The following CHST11 variants were observed in gnomAD, a reference collection of about 807,000 sequenced individuals.
CHST11 encodes carbohydrate sulfotransferase 11.
A neutral mutation model predicts 30.4 loss-of-function variants in CHST11; 9 were observed. The ratio of observed to expected loss-of-function variants is 0.30; its 90% CI spans 0.18 to 0.52. The LOEUF (loss-of-function observed/expected upper bound fraction) is 0.52. Ranked by LOEUF, CHST11 falls within the 20% of genes least tolerant of loss-of-function variation. The pLI is 0.97. For missense variants in CHST11, 348 were observed against 460.6 expected, an observed-to-expected ratio of 0.76 and a Z score of 2.24; for synonymous variants, 152 against 187.8, an observed-to-expected ratio of 0.81 and a Z score of 1.56.
intron 1 of CHST11, among the ~76,000 whole-genome samples, chr12:104,496,191 A>C (rs1026786932): frequency 1.3e-5 from 2 of 152,152 alleles, no homozygotes; most frequent in African/African-American, 4.8e-5. Flanking sequence ...TTCTATTCCA[A>C]ATCTGTGTGT....
chr12:104,742,915 C>T (rs988239338), intron 2 of CHST11, among the ~76,000 whole-genome samples: 4 of 152,236 alleles, frequency 2.6e-5, no homozygotes, highest in Admixed American at 6.5e-5. Context: ...CTCTCTTGGC[C>T]TCCAGCCCCA....
chr12:104,672,547 G>A (rs1355635868), intron 2 of CHST11, among the ~76,000 whole-genome samples: 1 of 152,250 alleles, frequency 6.6e-6, no homozygotes, highest in African/African-American at 2.4e-5. Context: ...AGAGCTGGAA[G>A]CTGGCCTGGC....
At chr12:104,726,621 G>A (rs1039266584) in intron 2 of CHST11, among the ~76,000 whole-genome samples, 1 of 152,138 alleles carries the variant, frequency 6.6e-6, no homozygotes, top group Non-Finnish European at 1.5e-5. Flanking sequence ...CAACAACCCT[G>A]CTTCAGGATG....
At chr12:104,529,552 G>A (rs1295012244) in intron 1 of CHST11, among the ~76,000 whole-genome samples, 6 of 152,184 alleles carry the variant, frequency 3.9e-5, no homozygotes, top group African/African-American at 1.4e-4. Flanking sequence ...AGGGTAGACG[G>A]CCTAGGACTG....
chr12:104,492,518 G>T (rs2037757047), intron 1 of CHST11, among the ~76,000 whole-genome samples: 1 of 152,156 alleles, frequency 6.6e-6, no homozygotes, highest in South Asian at 2.1e-4. Context: ...ACATACCCCA[G>T]TGCCTGCCTG....
chr12:104,498,552 C>T (rs957072875), intron 1 of CHST11, among the ~76,000 whole-genome samples: 2 of 152,176 alleles, frequency 1.3e-5, no homozygotes, highest in African/African-American at 2.4e-5. Context: ...GTTAGCGCCT[C>T]ATGACTGGGA....
chr12:104,503,594 C>T (rs1289515374), intron 1 of CHST11, among the ~76,000 whole-genome samples: 4 of 152,224 alleles, frequency 2.6e-5, no homozygotes, highest in African/African-American at 9.6e-5. Flanking sequence ...CACTTGGGAG[C>T]TCCTCTTCTT....
At chr12:104,687,236 A>G (rs10861269) in intron 2 of CHST11, among the ~76,000 whole-genome samples, 3,351 of 152,352 alleles carry the variant, frequency 0.022, 136 homozygotes, top group East Asian at 0.2. Context: ...TTTAGCATCC[A>G]AGTGCTTTAC....
intron 2 of CHST11, among the ~76,000 whole-genome samples, chr12:104,707,244 A>G (rs2040043978): frequency 6.6e-6 from 1 of 152,248 alleles, no homozygotes; most frequent in South Asian, 2.1e-4. Flanking sequence ...GTAACTGCTC[A>G]GTGCTCATTT....
At chr12:104,675,265 A>G (rs753476805) in intron 2 of CHST11, among the ~76,000 whole-genome samples, 24 of 152,238 alleles carry the variant, frequency 1.6e-4, no homozygotes, top group Non-Finnish European at 3.1e-4. Context: ...AGATCTCATT[A>G]AGGACCTATA....
chr12:104,755,730 G>A (rs1281140085), intron 2 of CHST11, among the ~76,000 whole-genome samples: 1 of 152,142 alleles, frequency 6.6e-6, no homozygotes, highest in Non-Finnish European at 1.5e-5. Flanking sequence ...AGGTTGCAGT[G>A]AGCTGAGATC....
rs544599012 is a variant in CHST11, at chr12:104,559,756, T to TAAATA, written c.119-42132_119-42128dup. On this transcript the variant is annotated intron_variant, in intron 1 of 2. Transcript: ENST00000303694. The stretch of plus-strand genomic sequence containing the variant: ...GGAACTCCATCTCAAAAAAATAAAA[T>TAAATA]AAATAAAATAAAATAAAATAAACAC... 6.8e-3 allele frequency among the ~76,000 whole-genome samples: 1,030 copies of TAAATA among 151,810 alleles called. 5 individuals carry two copies. The highest frequency in any genetic ancestry group is 0.016 in the African/African-American group (680 of 41,392).
intron 1 of CHST11, among the ~76,000 whole-genome samples, chr12:104,468,217 G>A (rs1336373035): frequency 6.6e-6 from 1 of 152,140 alleles, no homozygotes; most frequent in African/African-American, 2.4e-5. Context: ...TCTCTGCAAA[G>A]GTCGCTTTAA....
rs754140346 is a variant in CHST11 at position 104,759,608 on chromosome 12, T to G, written c.*1805T>G. 2.6e-5 allele frequency: 4 copies of G among 152,174 alleles called. No individual in the cohort carries two copies. Among genetic ancestry groups the G allele is most frequent in the Admixed American group, 2.6e-4 (4 of 15,278 alleles). 9.4% of individuals were successfully genotyped at this position (152,174 alleles called of 1,614,324 possible). ...AACTATTAAGATTGTATTGTAAAGC[T>G]CACAGCAAGCTCAGTGGGCAGCAGC... is the stretch of plus-strand genomic sequence containing the variant. On this transcript the variant is annotated 3_prime_UTR_variant, in exon 3 of 3. Transcript: ENST00000303694.
intron 2 of CHST11, among the ~76,000 whole-genome samples, chr12:104,744,746 A>G (rs1482536274): frequency 1.3e-5 from 2 of 152,134 alleles, no homozygotes; most frequent in Admixed American, 1.3e-4. Flanking sequence ...GGTTTCACAT[A>G]CAAGTCTTTA....
chr12:104,574,443 A>G (rs138927190), intron 1 of CHST11, among the ~76,000 whole-genome samples: 277 of 152,382 alleles, frequency 1.8e-3, no homozygotes, highest in African/African-American at 6.4e-3. Context: ...GCAATAGGAA[A>G]GACTTGGAGC....
At chr12:104,592,012 C>T (rs1477429115) in intron 1 of CHST11, among the ~76,000 whole-genome samples, 1 of 151,928 alleles carries the variant, frequency 6.6e-6, no homozygotes, top group East Asian at 2.0e-4. Context: ...CACCTTCTAT[C>T]CTGCACGTCC....
At chr12:104,546,306 C>CA (rs1213013825) in intron 1 of CHST11, among the ~76,000 whole-genome samples, 99 of 137,076 alleles carry the variant, frequency 7.2e-4, no homozygotes, top group East Asian at 3.8e-3. Context: ...CCCATCTCTA[C>CA]AAAAAAAAAA....
chr12:104,461,902 A>G (rs1299024547), intron 1 of CHST11, among the ~76,000 whole-genome samples: 3 of 152,120 alleles, frequency 2.0e-5, no homozygotes, highest in Non-Finnish European at 4.4e-5. Context: ...GATGGCTCAC[A>G]CCTGTAATCC....
Sources: gnomAD v4.1 joint callset for allele counts (sites outside exome capture counted in the v4.1 genomes callset) on GRCh38, gnomAD v4.1.1 for gene constraint, MANE v1.5 for transcripts, NCBI Gene and HGNC (gene_info 2026-07-23, HGNC 2026-07-21) for gene names.